The following CHN1 variants were observed in gnomAD, a reference collection of about 807,000 sequenced individuals.
CHN1 encodes the protein chimerin 1, also known as N-chimaerin.
Under a neutral mutation model 59.5 loss-of-function variants are expected in CHN1, and 37 were observed. The ratio of observed to expected loss-of-function variants is 0.62; its 90% CI spans 0.48 to 0.82. The LOEUF (loss-of-function observed/expected upper bound fraction) is 0.82. Among genes scored for constraint, CHN1 ranks in the 40% least tolerant of loss-of-function variants. The pLI is 0.00. For missense variants in CHN1, 469 were observed against 571.0 expected (o/e 0.82, Z 1.82); for synonymous variants, 206 against 200.4 (o/e 1.03, Z -0.24).
chr2:174,995,641 C>T (rs973864525), intron 1 of CHN1, among the ~76,000 whole-genome samples: 5 of 152,098 alleles, frequency 3.3e-5, no homozygotes, highest in African/African-American at 1.2e-4. Flanking sequence ...GGGGGTGGAG[C>T]GCAGGTGTTA....
intron 7 of CHN1, among the ~76,000 whole-genome samples, chr2:174,830,554 C>A (rs140511967): frequency 2.6e-5 from 4 of 152,200 alleles, no homozygotes; most frequent in Non-Finnish European, 5.9e-5. Flanking sequence ...CAGTTAAGCA[C>A]TGACACTATG....
chr2:175,003,998 T>C (rs766309802), intron 1 of CHN1, among the ~76,000 whole-genome samples: 1 of 152,264 alleles, frequency 6.6e-6, no homozygotes, highest in Non-Finnish European at 1.5e-5. Context: ...AAACTTGATA[T>C]TGTGAATAAC....
chr2:174,866,738 T>C (rs1192651800), intron 6 of CHN1, among the ~76,000 whole-genome samples: 1 of 152,214 alleles, frequency 6.6e-6, no homozygotes, highest in Admixed American at 6.5e-5. Context: ...CTCTAAAGTG[T>C]AGACAAGCTT....
chr2:174,823,448 G>A (rs1233805980), intron 8 of CHN1, among the ~76,000 whole-genome samples: 1 of 152,156 alleles, frequency 6.6e-6, no homozygotes, highest in African/African-American at 2.4e-5. Flanking sequence ...TGGATCACGA[G>A]GTCAGGAGAT....
intron 1 of CHN1, among the ~76,000 whole-genome samples, chr2:174,993,014 T>C (rs1691591036): frequency 6.6e-6 from 1 of 152,116 alleles, no homozygotes; most frequent in Admixed American, 6.5e-5. Context: ...GCTCTTGAAT[T>C]CCTGGCCTCA....
intron 7 of CHN1, among the ~76,000 whole-genome samples, chr2:174,840,735 T>C (rs980652362): frequency 2.0e-5 from 3 of 152,170 alleles, no homozygotes; most frequent in South Asian, 2.1e-4. Context: ...TTAAGGGATT[T>C]TTCTTTGAAA....
intron 1 of CHN1, among the ~76,000 whole-genome samples, chr2:174,993,804 C>T (rs1380904070): frequency 1.3e-5 from 2 of 151,984 alleles, no homozygotes; most frequent in African/African-American, 2.4e-5. Flanking sequence ...TCAAATTCTT[C>T]CTAGAAAAAC....
chr2:174,921,787 A>C (rs1275749619), intron 3 of CHN1, among the ~76,000 whole-genome samples: 1 of 152,198 alleles, frequency 6.6e-6, no homozygotes, highest in African/African-American at 2.4e-5. Flanking sequence ...AGATCTCGTG[A>C]GAACTCACTC....
chr2:174,944,320 G>A (rs977305272), intron 3 of CHN1, among the ~76,000 whole-genome samples: 12 of 152,152 alleles, frequency 7.9e-5, no homozygotes, highest in African/African-American at 2.7e-4. Flanking sequence ...TGCAATGTAA[G>A]TGCCTGTTTC....
intron 3 of CHN1, among the ~76,000 whole-genome samples, chr2:174,920,144 T>A (rs1333973191): frequency 1.3e-5 from 2 of 152,180 alleles, no homozygotes; most frequent in Non-Finnish European, 2.9e-5. Context: ...CAATTTGAAA[T>A]AAACAGTATT....
intron 1 of CHN1, among the ~76,000 whole-genome samples, chr2:174,999,893 A>C (rs182253300): frequency 1.3e-5 from 2 of 152,358 alleles, no homozygotes. Context: ...ATAATTATAC[A>C]TATCACTGTC....
intron 6 of CHN1, among the ~76,000 whole-genome samples, chr2:174,854,003 G>A (rs2105445064): frequency 6.6e-6 from 1 of 152,160 alleles, no homozygotes; most frequent in Admixed American, 6.6e-5. Context: ...CTACCTGAGT[G>A]CAATATACCC....
chr2:174,816,306 A>G (rs1384454186), intron 8 of CHN1, among the ~76,000 whole-genome samples: 1 of 152,210 alleles, frequency 6.6e-6, no homozygotes, highest in Non-Finnish European at 1.5e-5. Context: ...GAAGGAAGCT[A>G]GAGTTCCACT....
At chr2:174,808,095 C>T (rs2105378442) in intron 11 of CHN1, among the ~76,000 whole-genome samples, 1 of 152,264 alleles carries the variant, frequency 6.6e-6, no homozygotes, top group East Asian at 1.9e-4. Context: ...CTAGAATTTA[C>T]AAAAACTTCT....
intron 8 of CHN1, among the ~76,000 whole-genome samples, chr2:174,817,252 G>A (rs1371158628): frequency 6.6e-6 from 1 of 152,148 alleles, no homozygotes; most frequent in Non-Finnish European, 1.5e-5. Flanking sequence ...TTACCCAAAT[G>A]AGTCCCCTTA....
rs556784322 is a variant in CHN1 at position 174,949,337 on chromosome 2, G to C, written c.58+2827C>G. On this transcript the variant is annotated intron_variant, in intron 2 of 12. Coordinates refer to ENST00000409900, the MANE Select transcript of CHN1 (RefSeq NM_001822.7). ...TAGAATGCATTTATTTATTTAACAT[G>C]AATGAATAAATGAATGAGACAGGGT... Among the ~76,000 whole-genome samples the C allele has an allele frequency of 9.2e-4, 140 of 152,174 alleles. No homozygotes were observed. In the Middle Eastern group the frequency reaches 0.01, roughly 11 times the overall value.
At chr2:174,895,203 TATATATATATA>T in intron 5 of CHN1, among the ~76,000 whole-genome samples, 1 of 143,884 alleles carries the variant, frequency 7.0e-6, no homozygotes, top group Non-Finnish European at 1.5e-5. Flanking sequence ...TGTGTGTATA[TATATATATATA>T]CACACACACA....
intron 7 of CHN1, among the ~76,000 whole-genome samples, chr2:174,834,145 G>T (rs79106209): frequency 0.099 from 15,107 of 152,024 alleles, 2,488 homozygotes; most frequent in African/African-American, 0.34. Flanking sequence ...CCTCCAAATA[G>T]TATACCACTT....
chr2:174,963,403 G>A (rs1690482026), intron 1 of CHN1, among the ~76,000 whole-genome samples: 1 of 152,080 alleles, frequency 6.6e-6, no homozygotes, highest in Admixed American at 6.6e-5. Flanking sequence ...TACCAGAAGA[G>A]GTATTATCCG....
Sources: gnomAD v4.1 joint callset for allele counts (sites outside exome capture counted in the v4.1 genomes callset) on GRCh38, gnomAD v4.1.1 for gene constraint, MANE v1.5 for transcripts, NCBI Gene and HGNC (gene_info 2026-07-23, HGNC 2026-07-21) for gene names.